BPTF: variants seen among roughly 807,000 people sequenced by gnomAD.
BPTF encodes the protein nucleosome-remodeling factor subunit BPTF.
A neutral mutation model predicts 292.5 loss-of-function variants in BPTF; 18 were observed. That is an observed-to-expected ratio of 0.06 (90% CI 0.04 to 0.09). BPTF has a LOEUF of 0.09. Among genes scored for constraint, BPTF ranks in the 10% least tolerant of loss-of-function variants. BPTF has a pLI of 1.00. For missense variants in BPTF, 2,726 were observed against 3,498.7 expected, an observed-to-expected ratio of 0.78 and a Z score of 5.57; for synonymous variants, 1,225 against 1,251.9, an observed-to-expected ratio of 0.98 and a Z score of 0.45.
At chr17:67,833,005 G>C (rs2056842990) in intron 1 of BPTF, among the ~76,000 whole-genome samples, 1 of 150,214 alleles carries the variant, frequency 6.7e-6, no homozygotes, top group African/African-American at 2.5e-5. Flanking sequence ...TACTATGTTG[G>C]CCAGGCCGGT....
At chr17:67,869,873 GCACC>G (rs993884189) in intron 3 of BPTF, among the ~76,000 whole-genome samples, 4 of 149,266 alleles carry the variant, frequency 2.7e-5, no homozygotes, top group African/African-American at 9.9e-5. Context: ...GTGGTGGCAG[GCACC>G]TGTAGTCCCA....
intron 4 of BPTF, among the ~76,000 whole-genome samples, chr17:67,884,169 G>A (rs1035265710): frequency 1.5e-4 from 21 of 136,536 alleles, no homozygotes; most frequent in African/African-American, 4.9e-4. Flanking sequence ...AAACAATCTC[G>A]TGCTGTCACT....
intron 26 of BPTF, among the ~76,000 whole-genome samples, chr17:67,971,148 G>T (rs536018090): frequency 5.3e-5 from 8 of 152,190 alleles, no homozygotes; most frequent in African/African-American, 1.7e-4. Flanking sequence ...GCGCTATCTC[G>T]GCTCACTGCA....
chr17:67,848,510 G>A (rs1357309985), intron 1 of BPTF, among the ~76,000 whole-genome samples: 1 of 152,184 alleles, frequency 6.6e-6, no homozygotes, highest in Admixed American at 6.5e-5. Flanking sequence ...TTTGAGCCCG[G>A]CCTTGAAAAC....
rs1471491487 is a variant in BPTF at position 67,922,882 on chromosome 17, T to C, written c.5600T>C (p.Leu1867Pro). 6.2e-7 allele frequency: 1 copy of C among 1,613,952 alleles called. No homozygotes were observed. Among genetic ancestry groups the C allele is most frequent in the Admixed American group, 1.7e-5 (1 of 59,950 alleles). ...PQRKGLRSSA[L>P]RPKRPETPKQ... is the part of the protein sequence containing the mutation. ...AGGAAAGGCCTTCGATCAAGTGCAC[T>C]GCGGCCAAAGAGACCAGAAACGCCC... The change falls in exon 14 of 28, where the codon CTG (leucine) becomes CCG (proline). Residue 1867 changes from leucine (L) to proline (P), a missense_variant. By Grantham distance (98) the Leu-to-Pro change is moderately conservative. Around this residue, in one of 22 missense-constraint regions of BPTF, gnomAD observed 198 missense variants for 277.1 expected, o/e 0.71. Coordinates refer to ENST00000306378, the MANE Select transcript of BPTF (RefSeq NM_182641.4).
At chr17:67,932,936 G>A (rs2064533363) in intron 18 of BPTF, among the ~76,000 whole-genome samples, 1 of 150,230 alleles carries the variant, frequency 6.7e-6, no homozygotes, top group South Asian at 2.1e-4. Context: ...ATGAAAAAGA[G>A]TCATTTTTTA....
At chr17:67,843,251 T>C (rs1056706437) in intron 1 of BPTF, among the ~76,000 whole-genome samples, 2 of 148,526 alleles carry the variant, frequency 1.3e-5, no homozygotes, top group Admixed American at 6.8e-5. Context: ...CATGTAAATA[T>C]ATATCTACAT....
At chr17:67,950,741 G>A (rs2066275117) in intron 23 of BPTF, 1 of 151,354 alleles carries the variant, frequency 6.6e-6, no homozygotes, top group Non-Finnish European at 1.5e-5. Context: ...TTGGGAGGCT[G>A]AGGCAGGAGA....
At chr17:67,978,248 T>C (rs1434915327) in intron 27 of BPTF, among the ~76,000 whole-genome samples, 4 of 151,558 alleles carry the variant, frequency 2.6e-5, no homozygotes, top group African/African-American at 9.7e-5. Context: ...AGCCTTGGCC[T>C]CCCAAAGTGC....
chr17:67,950,640 C>A (rs1445162893), intron 23 of BPTF, among the ~76,000 whole-genome samples: 1 of 151,758 alleles, frequency 6.6e-6, no homozygotes, highest in Non-Finnish European at 1.5e-5. Context: ...GAGTTCGAGA[C>A]CATCCTGATC....
At chr17:67,939,240 G>A (rs2065171067) in intron 18 of BPTF, among the ~76,000 whole-genome samples, 1 of 152,154 alleles carries the variant, frequency 6.6e-6, no homozygotes, top group Non-Finnish European at 1.5e-5. Flanking sequence ...TATTCTGAAT[G>A]TCAAAATAAG....
In BPTF at chr17:67,964,627, A is replaced by AT. The variant is rs530488439; in HGVS notation, c.8454+224dup. On this transcript the variant is annotated intron_variant, in intron 25 of 27. Coordinates refer to ENST00000306378, the MANE Select transcript of BPTF (RefSeq NM_182641.4). ...ATCTCACACTCACAAGAGTGTTAAC[A>AT]TGACTCACTTCTTTATACATTTTAT... 8.5e-5 allele frequency among the ~76,000 whole-genome samples: 13 copies of AT among 152,238 alleles called. No homozygotes were observed. In the South Asian group the frequency reaches 2.5e-3, roughly 29 times the overall value.
intron 14 of BPTF, among the ~76,000 whole-genome samples, chr17:67,923,362 A>G (rs1275438124): frequency 6.6e-6 from 1 of 150,570 alleles, no homozygotes; most frequent in Non-Finnish European, 1.5e-5. Context: ...CTGGGGTAAA[A>G]GAACACTTTA....
At chr17:67,976,006 CTT>C (rs782188806) in intron 27 of BPTF, 48 bp downstream of exon 27, 87 of 1,441,272 alleles carry the variant, frequency 6.0e-5, no homozygotes, top group Non-Finnish European at 7.9e-5. Flanking sequence ...TCTTCACACT[CTT>C]TATACTATTC....
intron 17 of BPTF, among the ~76,000 whole-genome samples, chr17:67,931,470 G>T (rs2064381976): frequency 6.6e-6 from 1 of 152,002 alleles, no homozygotes; most frequent in Non-Finnish European, 1.5e-5. Context: ...GTGAGACCCT[G>T]TCTTTAAAAT....
rs2062005037 is a variant in BPTF, at chr17:67,903,771, C to G, written c.2544-18C>G. ...ATTTTTCCAAGTTAACATTGTCTTT[C>G]TATGCATGAATTCTTAGGTTACACC... On this transcript the variant is annotated intron_variant, in intron 7 of 27. Coordinates refer to ENST00000306378, the MANE Select transcript of BPTF (RefSeq NM_182641.4). 6 of 1,515,038 alleles carry G rather than the reference C, an allele frequency of 4.0e-6. No homozygotes were observed. Among genetic ancestry groups the G allele is most frequent in the Non-Finnish European group, 5.3e-6 (6 of 1,137,216 alleles). 93.8% of individuals were successfully genotyped at this position (1,515,038 alleles called of 1,614,324 possible). A position where few individuals can be genotyped will look rare whatever the true frequency, so the allele number is the denominator to read the frequency against.
At chr17:67,897,341 CAAAAAAAAA>C (rs750678904) in intron 7 of BPTF, among the ~76,000 whole-genome samples, 335 of 17,754 alleles carry the variant, frequency 0.019, 3 homozygotes, top group African/African-American at 0.032. Flanking sequence ...AACTCTGTCT[CAAAAAAAAA>C]AAAAAAAAAA....
Position 67,928,614 on chromosome 17 carries a change from C to A in BPTF, c.5998+13C>A. On this transcript the variant is annotated intron_variant, in intron 16 of 27. Transcript: ENST00000306378. The stretch of plus-strand genomic sequence containing the variant: ...CAGTCAAATTCAGGTATGGAACTAT[C>A]ATTAAGTAAAAGATTACTTTGGTTC... 1 of 1,582,982 alleles carries A rather than the reference C, an allele frequency of 6.3e-7. No individual in the cohort carries two copies. Among genetic ancestry groups the A allele is most frequent in the Non-Finnish European group, 8.6e-7 (1 of 1,161,972 alleles).
chr17:67,958,865 G>A (rs529895123), intron 23 of BPTF, among the ~76,000 whole-genome samples: 1 of 152,316 alleles, frequency 6.6e-6, no homozygotes, highest in East Asian at 1.9e-4. Flanking sequence ...TACTTGGGAG[G>A]CTGAGGCAGG....
Sources: gnomAD v4.1 joint callset for allele counts (sites outside exome capture counted in the v4.1 genomes callset) on GRCh38, gnomAD v4.1.1 for gene constraint, gnomAD v4.1.1 regional missense constraint, MANE v1.5 for transcripts, NCBI Gene and HGNC (gene_info 2026-07-23, HGNC 2026-07-21) for gene names.